The following MCC variants were observed in gnomAD, a reference collection of about 807,000 sequenced individuals.
MCC encodes colorectal mutant cancer protein.
MCC carries 90 observed loss-of-function variants against 116.2 expected under a neutral mutation model. The observed-to-expected ratio is 0.77, with a 90% CI of 0.65 to 0.92. The LOEUF is 0.92. Ranked by LOEUF, MCC falls within the 40% of genes least tolerant of loss-of-function variation. MCC has a pLI of 0.00. For synonymous variants in MCC, 578 were observed against 510.5 expected (o/e 1.13, Z -1.78); for missense variants, 1,516 against 1,312.2 (o/e 1.16, Z -2.40).
At chr5:113,066,810 C>T (rs548828964) in intron 13 of MCC, among the ~76,000 whole-genome samples, 36 of 152,312 alleles carry the variant, frequency 2.4e-4, no homozygotes, top group Non-Finnish European at 4.3e-4. Flanking sequence ...CAGCAGAAAT[C>T]CAGTCCATGA....
At chr5:113,281,777 G>T (rs1281819398) in intron 3 of MCC, among the ~76,000 whole-genome samples, 1 of 152,122 alleles carries the variant, frequency 6.6e-6, no homozygotes, top group Non-Finnish European at 1.5e-5. Context: ...CAGCATTCCT[G>T]CATATTGTTT....
At position 113,082,914 on chromosome 5, in the gene MCC, G is replaced by A. The variant is rs748684730; in HGVS notation, c.1730C>T (p.Ala577Val). 2 of 1,614,052 alleles carry A rather than the reference G, an allele frequency of 1.2e-6. No individual in the cohort carries two copies. Among genetic ancestry groups the A allele is most frequent in the Admixed American group, 3.3e-5 (2 of 60,008 alleles). Reference sequence around the variant, plus strand: ...CTCTCTAATCTTGCTTTCTGAGATGGCAGATCCGTGTGAGTAGAGTGTTTG... The same window carrying A: ...CTCTCTAATCTTGCTTTCTGAGATGACAGATCCGTGTGAGTAGAGTGTTTG... The part of the protein sequence containing the change: ...IFQTLYSHGS[A>V]ISESKIREFE... Residue 577 changes from alanine to valine, a missense_variant, in exon 11 of 19, where the codon GCC (alanine) becomes GTC (valine). By Grantham distance (64) the Ala-to-Val change is moderately conservative (BLOSUM62 0). Coordinates refer to ENST00000408903, the MANE Select transcript of MCC (RefSeq NM_001085377.2).
At chr5:113,310,658 A>G (rs1355338866) in intron 3 of MCC, among the ~76,000 whole-genome samples, 1 of 152,172 alleles carries the variant, frequency 6.6e-6, no homozygotes, top group African/African-American at 2.4e-5. Context: ...ACCTTCCACT[A>G]CTGTCACTAG....
chr5:113,057,710 G>T (rs532283559), intron 14 of MCC, among the ~76,000 whole-genome samples: 1 of 152,236 alleles, frequency 6.6e-6, no homozygotes, highest in Non-Finnish European at 1.5e-5. Flanking sequence ...CCTGCTCAGC[G>T]GCAGGCATGC....
At chr5:113,441,335 T>G (rs1192200793) in intron 1 of MCC, among the ~76,000 whole-genome samples, 2 of 149,982 alleles carry the variant, frequency 1.3e-5, no homozygotes, top group South Asian at 4.2e-4. Context: ...TGAGACACTG[T>G]CTCAAAACAA....
intron 2 of MCC, among the ~76,000 whole-genome samples, chr5:113,360,616 G>T (rs1768522021): frequency 6.6e-6 from 1 of 152,166 alleles, no homozygotes; most frequent in African/African-American, 2.4e-5. Context: ...CATAGTTATG[G>T]AACCATTCAG....
chr5:113,379,242 T>C (rs1199208622), intron 2 of MCC, among the ~76,000 whole-genome samples: 3 of 152,222 alleles, frequency 2.0e-5, no homozygotes, highest in Non-Finnish European at 4.4e-5. Context: ...ACAGACTGAG[T>C]GTTCTCTATT....
At chr5:113,194,266 T>A (rs1266657586) in intron 3 of MCC, among the ~76,000 whole-genome samples, 1 of 152,194 alleles carries the variant, frequency 6.6e-6, no homozygotes, top group Non-Finnish European at 1.5e-5. Flanking sequence ...CCAGGGCTTG[T>A]ACAATACTTA....
chr5:113,061,003 A>G (rs1294934475), intron 14 of MCC, among the ~76,000 whole-genome samples: 1 of 152,192 alleles, frequency 6.6e-6, no homozygotes, highest in African/African-American at 2.4e-5. Context: ...CTTTCAATGG[A>G]CATGATTTCA....
chr5:113,066,490 A>C (rs961283637), intron 13 of MCC, among the ~76,000 whole-genome samples: 2 of 152,144 alleles, frequency 1.3e-5, no homozygotes, highest in Non-Finnish European at 2.9e-5. Context: ...ATACTATTTA[A>C]AAAAAACCAG....
intron 3 of MCC, chr5:113,234,436 C>T (rs1764057487): frequency 6.6e-6 from 1 of 152,118 alleles, no homozygotes. Flanking sequence ...ATCAGCCTTA[C>T]CACATTCTTC....
rs77399003 is a variant in MCC at position 113,241,685 on chromosome 5, G to C, written c.628-90263C>G. On this transcript the variant is annotated intron_variant, in intron 3 of 18. Coordinates refer to ENST00000408903, the MANE Select transcript of MCC (RefSeq NM_001085377.2). ...AGACCACAGACCTCAGTTACTACAG[G>C]CTTTGACTGAAATCAAAAAAGGTAT... Among the ~76,000 whole-genome samples, 174 of 152,262 alleles carry C rather than the reference G, an allele frequency of 1.1e-3. 3 individuals carry two copies. In the East Asian group the frequency reaches 0.031, roughly 27 times the overall value.
intron 3 of MCC, among the ~76,000 whole-genome samples, chr5:113,236,027 G>A (rs909012310): frequency 2.4e-4 from 37 of 152,138 alleles, no homozygotes; most frequent in South Asian, 4.1e-4. Flanking sequence ...TAGGTAGGTC[G>A]GATTTCCTCA....
At chr5:113,322,495 A>G (rs1339421491) in intron 3 of MCC, among the ~76,000 whole-genome samples, 1 of 152,252 alleles carries the variant, frequency 6.6e-6, no homozygotes, top group African/African-American at 2.4e-5. Context: ...ACACATTACA[A>G]TTTCTTGACT....
At chr5:113,278,404 C>T (rs749107820) in intron 3 of MCC, among the ~76,000 whole-genome samples, 1 of 152,136 alleles carries the variant, frequency 6.6e-6, no homozygotes, top group African/African-American at 2.4e-5. Flanking sequence ...CATTGTGGTA[C>T]GAAATACCAA....
At chr5:113,101,702 A>G in intron 8 of MCC, 37 bp downstream of exon 8, 1 of 1,606,774 alleles carries the variant, frequency 6.2e-7, no homozygotes, top group Non-Finnish European at 8.5e-7. Flanking sequence ...CCCCATGCCC[A>G]GGAAGGGCCT....
At chr5:113,470,076 T>A (rs1772038642) in intron 1 of MCC, among the ~76,000 whole-genome samples, 2 of 152,140 alleles carry the variant, frequency 1.3e-5, no homozygotes, top group Admixed American at 1.3e-4. Flanking sequence ...TATGTGTGTC[T>A]CTGCACATGA....
At chr5:113,373,998 G>A (rs1250371051) in intron 2 of MCC, among the ~76,000 whole-genome samples, 1 of 151,860 alleles carries the variant, frequency 6.6e-6, no homozygotes, top group East Asian at 1.9e-4. Flanking sequence ...CCAGGTTCAA[G>A]CAATCCTTCC....
In MCC at chr5:113,112,830, C is replaced by T. The variant is rs370329077; in HGVS notation, c.1028-8475G>A. Among the ~76,000 whole-genome samples the T allele has an allele frequency of 2.6e-5, 4 of 152,184 alleles. No individual in the cohort carries two copies. The East Asian group carries it at 7.7e-4, about 29-fold the overall frequency. On this transcript the variant is annotated intron_variant, in intron 6 of 18. Transcript: ENST00000408903. Reference sequence around the variant, plus strand: ...AATAAATGGAAGACTTTTTATAAGCCAACTTTTTAAAGTCCCAAGTTTTTG... The same window carrying T: ...AATAAATGGAAGACTTTTTATAAGCTAACTTTTTAAAGTCCCAAGTTTTTG...
Sources: allele counts gnomAD v4.1 joint callset (sites outside exome capture counted in the v4.1 genomes callset), GRCh38; gene constraint gnomAD v4.1.1; transcripts MANE v1.5; gene names NCBI Gene and HGNC (gene_info 2026-07-23, HGNC 2026-07-21).